Variants in GALNT8 observed in about 807,000 individuals in gnomAD.
GALNT8 encodes the protein polypeptide N-acetylgalactosaminyltransferase 8.
GALNT8 carries 66 observed loss-of-function variants against 62.7 expected under a neutral mutation model. That is an observed-to-expected ratio of 1.05 (90% CI 0.86 to 1.29). The LOEUF (loss-of-function observed/expected upper bound fraction) is 1.29. Ranked by LOEUF, GALNT8 falls within the 50% of genes most tolerant of loss-of-function variation. The pLI is 0.00. For missense variants in GALNT8, 771 were observed against 791.8 expected, an observed-to-expected ratio of 0.97 and a Z score of 0.32; for synonymous variants, 288 against 294.3, an observed-to-expected ratio of 0.98 and a Z score of 0.22.
At chr12:4,754,933 AT>A (rs749636775) in intron 6 of GALNT8, among the ~76,000 whole-genome samples, 1 of 152,100 alleles carries the variant, frequency 6.6e-6, no homozygotes, top group Non-Finnish European at 1.5e-5. Context: ...ACTCTGACTG[AT>A]TTCCTAGCCT....
At chr12:4,770,162 T>C (rs10431361) in intron 10 of GALNT8, among the ~76,000 whole-genome samples, 79,995 of 151,610 alleles carry the variant, frequency 0.53, 21,533 homozygotes, top group Non-Finnish European at 0.59. Flanking sequence ...ATTAGCTGGT[T>C]GTGGTGGTGG....
At chr12:4,750,657 T>C (rs1946318589) in intron 6 of GALNT8, among the ~76,000 whole-genome samples, 1 of 152,104 alleles carries the variant, frequency 6.6e-6, no homozygotes, top group Non-Finnish European at 1.5e-5. Flanking sequence ...AACATACATG[T>C]GTATGATTTA....
At chr12:4,730,595 C>T (rs1946217300) in intron 2 of GALNT8, among the ~76,000 whole-genome samples, 1 of 152,080 alleles carries the variant, frequency 6.6e-6, no homozygotes, top group Non-Finnish European at 1.5e-5. Context: ...CAGTATCATG[C>T]TGTTTTGATT....
intron 6 of GALNT8, among the ~76,000 whole-genome samples, chr12:4,760,128 G>A (rs1005854732): frequency 6.6e-6 from 1 of 152,184 alleles, no homozygotes; most frequent in Non-Finnish European, 1.5e-5. Flanking sequence ...GTTTAGCTGG[G>A]TCTTCTGTAA....
chr12:4,744,706 G>T lies in GALNT8; in HGVS notation c.860+6G>T, dbSNP rs1209782664. 1.9e-6 allele frequency: 3 copies of T among 1,593,540 alleles called. No homozygotes were observed. The Admixed American group carries it at 5.1e-5, about 27-fold the overall frequency. On this transcript the variant is annotated splice_donor_region_variant and intron_variant, in intron 4 of 10. Coordinates refer to ENST00000252318, the MANE Select transcript of GALNT8 (RefSeq NM_017417.2). ...ATTGAAGTCAATGTTGGGTGGTAAGGCTCAAAGAGGCTAGTTCTTCTGGAA... is the reference window on the plus strand; with the variant it reads ...ATTGAAGTCAATGTTGGGTGGTAAGTCTCAAAGAGGCTAGTTCTTCTGGAA...
intron 10 of GALNT8, 70 bp downstream of exon 10, chr12:4,765,616 C>A: frequency 8.9e-6 from 11 of 1,241,966 alleles, no homozygotes; most frequent in Non-Finnish European, 1.3e-5. Context: ...GAGTCTTGCT[C>A]TGCAGCCCAG....
rs1205279493 is a variant in GALNT8 at position 4,726,827 on chromosome 12, C to G, written c.507C>G (p.Tyr169Ter). The G allele has an allele frequency of 6.2e-7, 1 of 1,607,852 alleles. No homozygotes were observed. Reference protein sequence around the residue: ...LNRTIPDTRDYRCLRKTYPSQ... With the variant: ...LNRTIPDTRD ...GCACCATCCCCGACACGCGAGACTA[C>G]AGGTGGGATGAACCAGGCTTGGGCT... Residue 169 changes from tyrosine (Y) to a stop codon, truncating the protein, a stop_gained and splice_region_variant, in exon 2 of 11, where the codon TAC becomes TAG. Transcript: ENST00000252318. LOFTEE classifies it high-confidence loss of function. This position sits in a 1 kb window ranked among gnomAD's most constrained non-coding sequence, Gnocchi z 4.1.
At chr12:4,751,981 T>C (rs902001961) in intron 6 of GALNT8, among the ~76,000 whole-genome samples, 3 of 152,218 alleles carry the variant, frequency 2.0e-5, no homozygotes, top group African/African-American at 7.2e-5. Context: ...CTGGCTAAAT[T>C]GACCCCTTTT....
At chr12:4,731,415 G>A (rs191381476) in intron 2 of GALNT8, among the ~76,000 whole-genome samples, 414 of 150,646 alleles carry the variant, frequency 2.7e-3, no homozygotes, top group African/African-American at 9.1e-3. Context: ...TATATATATA[G>A]ATCATGTCAT....
At chr12:4,729,376 C>T (rs1397669594) in intron 2 of GALNT8, among the ~76,000 whole-genome samples, 1 of 152,036 alleles carries the variant, frequency 6.6e-6, no homozygotes, top group African/African-American at 2.4e-5. Flanking sequence ...GAACTTATTC[C>T]TCCTATCTAA....
chr12:4,737,246 C>T (rs1358863075), intron 2 of GALNT8, among the ~76,000 whole-genome samples: 5 of 152,184 alleles, frequency 3.3e-5, no homozygotes, highest in African/African-American at 1.2e-4. Context: ...ATTGGAGAGA[C>T]AGACAGGTGG....
chr12:4,761,250 T>A, intron 7 of GALNT8, 107 bp downstream of exon 7: 1 of 828,774 alleles, frequency 1.2e-6, no homozygotes, highest in Non-Finnish European at 2.0e-6. Context: ...CCTAAAGAAT[T>A]AGGGTAAGGT....
At chr12:4,753,500 T>A (rs1040876072) in intron 6 of GALNT8, among the ~76,000 whole-genome samples, 1 of 152,186 alleles carries the variant, frequency 6.6e-6, no homozygotes, top group African/African-American at 2.4e-5. Flanking sequence ...ATTTATCAGC[T>A]CCAGAATTTC....
intron 3 of GALNT8, among the ~76,000 whole-genome samples, chr12:4,740,065 A>G (rs953989360): frequency 6.6e-6 from 1 of 152,178 alleles, no homozygotes. Context: ...GTTGCTCCTT[A>G]TGAGGAACAG....
chr12:4,725,005 T>G (rs1393312480), intron 1 of GALNT8, among the ~76,000 whole-genome samples: 1 of 152,086 alleles, frequency 6.6e-6, no homozygotes, highest in Non-Finnish European at 1.5e-5. Context: ...TTGCAATCAT[T>G]CAGAAAAAAA....
At chr12:4,755,008 T>C (rs941562579) in intron 6 of GALNT8, among the ~76,000 whole-genome samples, 10 of 152,132 alleles carry the variant, frequency 6.6e-5, no homozygotes, top group African/African-American at 2.4e-4. Context: ...TCTCCTCTCC[T>C]CAAGTGGAAG....
intron 1 of GALNT8, among the ~76,000 whole-genome samples, chr12:4,724,891 A>C (rs1003054015): frequency 1.3e-5 from 2 of 152,160 alleles, no homozygotes; most frequent in South Asian, 2.1e-4. Flanking sequence ...GAAATCCAGC[A>C]CACACGTTCT....
At chr12:4,760,698 T>C (rs1050388563) in intron 6 of GALNT8, among the ~76,000 whole-genome samples, 1 of 152,160 alleles carries the variant, frequency 6.6e-6, no homozygotes, top group Non-Finnish European at 1.5e-5. Context: ...AGGCAGCCCC[T>C]CCTTTGGTCC....
chr12:4,755,740 T>C (rs1456738199), intron 6 of GALNT8, among the ~76,000 whole-genome samples: 2 of 152,074 alleles, frequency 1.3e-5, no homozygotes, highest in African/African-American at 2.4e-5. Context: ...CCAAGAAAAA[T>C]AGAGAAATTA....
Sources: gnomAD v4.1 joint callset for allele counts (sites outside exome capture counted in the v4.1 genomes callset) on GRCh38, gnomAD v4.1.1 for gene constraint, Gnocchi (gnomAD v3.1) non-coding constraint, MANE v1.5 for transcripts, NCBI Gene and HGNC (gene_info 2026-07-23, HGNC 2026-07-21) for gene names.